ZRANB3: variants seen among roughly 807,000 people sequenced by gnomAD.
The protein encoded by ZRANB3 is zinc finger RANBP2-type containing 3.
In ZRANB3, 125 loss-of-function variants were observed where a neutral mutation model predicts 133.8. That is an observed-to-expected ratio of 0.93 (90% CI 0.81 to 1.08). The LOEUF (loss-of-function observed/expected upper bound fraction) is 1.08, where lower values mean the gene tolerates loss of function less well. ZRANB3 is among the 50% of genes least tolerant of loss of function. ZRANB3 has a pLI of 0.00. For synonymous variants in ZRANB3, 387 were observed against 432.7 expected (o/e 0.89, Z 1.31); for missense variants, 1,229 against 1,275.5 (o/e 0.96, Z 0.56).
chr2:135,496,340 C>T (rs1206629987), intron 2 of ZRANB3, among the ~76,000 whole-genome samples: 1 of 139,574 alleles, frequency 7.2e-6, no homozygotes, highest in Non-Finnish European at 1.5e-5. Flanking sequence ...GCCAAGATGG[C>T]ACCACTGTAC....
At chr2:135,525,741 G>A (rs1035307430) in intron 1 of ZRANB3, among the ~76,000 whole-genome samples, 7 of 151,184 alleles carry the variant, frequency 4.6e-5, no homozygotes, top group African/African-American at 1.5e-4. Context: ...CCAGCTACTC[G>A]AGACAGTGAG....
rs757243667 is a variant in ZRANB3, at chr2:135,230,662, G to T, written c.1805C>A (p.Thr602Asn). Residue 602 changes from threonine (T) to asparagine (N), a missense_variant, in exon 13 of 21, where the codon ACT (threonine) becomes AAT (asparagine). Physicochemically the swap from Thr to Asn is moderately conservative, Grantham distance 65. Coordinates refer to ENST00000264159, the MANE Select transcript of ZRANB3 (RefSeq NM_032143.4). ...ETPSQSKQIR[T>N]PLVESVQEAK... The stretch of plus-strand genomic sequence containing the variant: ...CTCCTGTACACTTTCCACGAGTGGA[G>T]TTCGGATTTGCTTGGACTGGGATGG... The T allele has an allele frequency of 1.2e-6, 2 of 1,613,626 alleles. No individual in the cohort carries two copies. Among genetic ancestry groups the T allele is most frequent in the Non-Finnish European group, 1.7e-6 (2 of 1,179,818 alleles).
intron 16 of ZRANB3, 114 bp from the exon 17 acceptor site, chr2:135,217,721 G>T: frequency 7.8e-7 from 1 of 1,275,188 alleles, no homozygotes; most frequent in Non-Finnish European, 1.1e-6. Flanking sequence ...CCCCAAATAG[G>T]CTTTTGAGTT....
At chr2:135,474,540 C>G (rs1388752938) in intron 2 of ZRANB3, among the ~76,000 whole-genome samples, 1 of 152,124 alleles carries the variant, frequency 6.6e-6, no homozygotes, top group Non-Finnish European at 1.5e-5. Flanking sequence ...CGCCTCCTCT[C>G]TCTCTTGCTC....
intron 1 of ZRANB3, among the ~76,000 whole-genome samples, chr2:135,519,307 T>A (rs1465131391): frequency 6.6e-6 from 1 of 152,030 alleles, no homozygotes; most frequent in African/African-American, 2.4e-5. Flanking sequence ...TTCCCGTGAA[T>A]TTACAATGAA....
chr2:135,302,041 T>G (rs1353324762), intron 8 of ZRANB3, among the ~76,000 whole-genome samples: 1 of 152,216 alleles, frequency 6.6e-6, no homozygotes, highest in Non-Finnish European at 1.5e-5. Context: ...TCAAGTTCAT[T>G]TACAAACTGG....
chr2:135,485,185 A>AACATAACATAACATAACATAACAT (rs60574406), intron 2 of ZRANB3, among the ~76,000 whole-genome samples: 2 of 121,704 alleles, frequency 1.6e-5, no homozygotes, highest in South Asian at 4.9e-4. Flanking sequence ...AAACAAAACA[A>AACATAACATAACATAACATAACAT]AACATAACAT....
chr2:135,403,809 T>C (rs1687863846), intron 2 of ZRANB3, among the ~76,000 whole-genome samples: 1 of 152,230 alleles, frequency 6.6e-6, no homozygotes, highest in South Asian at 2.1e-4. Flanking sequence ...TCCGCTGTTC[T>C]GCAGCCTCCG....
chr2:135,362,402 G>A (rs1271287857), intron 3 of ZRANB3, among the ~76,000 whole-genome samples: 1 of 152,114 alleles, frequency 6.6e-6, no homozygotes, highest in Non-Finnish European at 1.5e-5. Flanking sequence ...GCAGGAGCAG[G>A]CTTTCTCTTG....
At chr2:135,388,305 G>A (rs566409646) in intron 3 of ZRANB3, among the ~76,000 whole-genome samples, 14 of 152,246 alleles carry the variant, frequency 9.2e-5, no homozygotes, top group African/African-American at 3.1e-4. Context: ...TGGTAGCTAC[G>A]ATTCAAGATG....
chr2:135,202,089 G>C (rs1169987474), intron 20 of ZRANB3, among the ~76,000 whole-genome samples: 1 of 152,176 alleles, frequency 6.6e-6, no homozygotes, highest in Non-Finnish European at 1.5e-5. Context: ...ATCAGTATGG[G>C]AATGGTTAAG....
At chr2:135,343,418 G>T (rs1684785597) in intron 6 of ZRANB3, among the ~76,000 whole-genome samples, 1 of 149,612 alleles carries the variant, frequency 6.7e-6, no homozygotes, top group Admixed American at 6.6e-5. Flanking sequence ...TTAATATTGA[G>T]GATTTCTGCA....
intron 8 of ZRANB3, among the ~76,000 whole-genome samples, chr2:135,295,883 T>C (rs1682048377): frequency 6.6e-6 from 1 of 152,214 alleles, no homozygotes; most frequent in African/African-American, 2.4e-5. Context: ...AATTCTTTTC[T>C]TTAAGAATGT....
chr2:135,202,158 T>C (rs922187029), intron 20 of ZRANB3, among the ~76,000 whole-genome samples: 1 of 152,210 alleles, frequency 6.6e-6, no homozygotes, highest in African/African-American at 2.4e-5. Flanking sequence ...TTTTAGATGA[T>C]ATAAGTTATG....
chr2:135,239,850 G>C lies in ZRANB3; in HGVS notation c.1540-8923C>G, dbSNP rs183450634. Among the ~76,000 whole-genome samples the C allele has an allele frequency of 5.9e-5, 9 of 152,156 alleles. No homozygotes were observed. The East Asian group carries it at 1.7e-3, about 29-fold the overall frequency. ...AATACAAAAATTAGCTGGGCGTGGT[G>C]GCATGCACCTGTAGTCCCAGCTACT... On this transcript the variant is annotated intron_variant, in intron 12 of 20. Transcript: ENST00000264159.
chr2:135,402,973 T>C (rs1194268838), intron 2 of ZRANB3, among the ~76,000 whole-genome samples: 1 of 151,982 alleles, frequency 6.6e-6, no homozygotes, highest in South Asian at 2.1e-4. Context: ...CCTGAGGGGG[T>C]GCAGCCAAGA....
chr2:135,408,663 A>G (rs1486765284), intron 2 of ZRANB3, among the ~76,000 whole-genome samples: 1 of 152,196 alleles, frequency 6.6e-6, no homozygotes, highest in Non-Finnish European at 1.5e-5. Context: ...TGATGAGTTC[A>G]TGTCCTTTGT....
intron 1 of ZRANB3, among the ~76,000 whole-genome samples, chr2:135,506,292 A>C (rs899039908): frequency 6.6e-6 from 1 of 152,268 alleles, no homozygotes; most frequent in Non-Finnish European, 1.5e-5. Context: ...CAGGAGGCTG[A>C]GGCACAACAA....
intron 12 of ZRANB3, among the ~76,000 whole-genome samples, chr2:135,254,647 T>C (rs1423330175): frequency 6.6e-6 from 1 of 152,106 alleles, no homozygotes. Flanking sequence ...TTTATTGAGA[T>C]ATAATCCATA....
Sources: allele counts gnomAD v4.1 joint callset (sites outside exome capture counted in the v4.1 genomes callset), GRCh38; gene constraint gnomAD v4.1.1; transcripts MANE v1.5; gene names NCBI Gene and HGNC (gene_info 2026-07-23, HGNC 2026-07-21).